PMPCB: variants seen among roughly 807,000 people sequenced by gnomAD.
PMPCB encodes the protein peptidase, mitochondrial processing subunit beta.
Under a neutral mutation model 61.5 loss-of-function variants are expected in PMPCB, and 46 were observed. That is an observed-to-expected ratio of 0.75 (90% CI 0.59 to 0.96). The LOEUF (loss-of-function observed/expected upper bound fraction) is 0.96, where lower values mean the gene tolerates loss of function less well. PMPCB is among the 40% of genes least tolerant of loss of function. The pLI is 0.00. For synonymous variants in PMPCB, 191 were observed against 201.6 expected, an observed-to-expected ratio of 0.95 and a Z score of 0.44; for missense variants, 590 against 602.4, an observed-to-expected ratio of 0.98 and a Z score of 0.22.
At position 103,313,494 on chromosome 7, in the gene PMPCB, T is replaced by G. The variant is rs961723193; in HGVS notation, c.*1223T>G. ...CTGATAAATCTACTTCCTTACAGAATAGGTAAAAGAGCTTCCTCACAGTTA... is the reference window on the plus strand; with the variant it reads ...CTGATAAATCTACTTCCTTACAGAAGAGGTAAAAGAGCTTCCTCACAGTTA... On this transcript the variant is annotated 3_prime_UTR_variant, in exon 13 of 13. Transcript: ENST00000249269. 1.4e-5 allele frequency: 14 copies of G among 984,996 alleles called. No individual in the cohort carries two copies. Among genetic ancestry groups the G allele is most frequent in the African/African-American group, 1.7e-5 (1 of 57,202 alleles). The allele number at this position is 984,996 out of a possible 1,614,324, so 61.0% of individuals were successfully genotyped here.
downstream of PMPCB, among the ~76,000 whole-genome samples, chr7:103,331,284 G>A (rs1417910602): frequency 6.6e-6 from 1 of 152,196 alleles, no homozygotes; most frequent in African/African-American, 2.4e-5. Context: ...CATGATACAT[G>A]CATAAACCAC....
chr7:103,322,128 C>A, intron 12 of PMPCB: 1 of 1,363,120 alleles, frequency 7.3e-7, no homozygotes. Context: ...CAGTAAAATT[C>A]CTAAATGTTT....
intron 6 of PMPCB, among the ~76,000 whole-genome samples, chr7:103,304,820 G>A (rs965177712): frequency 6.6e-6 from 1 of 152,026 alleles, no homozygotes; most frequent in Non-Finnish European, 1.5e-5. Context: ...GTAGCTGGGC[G>A]TGGTGACATG....
At chr7:103,327,563 G>C (rs1586094049) in intron 12 of PMPCB, 1 of 816,928 alleles carries the variant, frequency 1.2e-6, no homozygotes, top group East Asian at 2.6e-5. Flanking sequence ...AAGGATAGTT[G>C]AATGAACTAC....
downstream of PMPCB, chr7:103,319,604 A>T: frequency 6.2e-7 from 1 of 1,613,830 alleles, no homozygotes; most frequent in Admixed American, 1.7e-5. Flanking sequence ...GTGTTCCTCT[A>T]TTACCTGTTT....
chr7:103,345,314 T>C, the PMPCB span, among the ~76,000 whole-genome samples: 10 of 152,208 alleles, frequency 6.6e-5, no homozygotes, highest in Admixed American at 5.9e-4. Flanking sequence ...CTTGTTCTAA[T>C]GAAGTTTTTA....
At chr7:103,328,588 G>A (rs764007997) in intron 12 of PMPCB, among the ~76,000 whole-genome samples, 4 of 152,068 alleles carry the variant, frequency 2.6e-5, no homozygotes, top group East Asian at 1.9e-4. Flanking sequence ...CTGAGATGGC[G>A]CCACTGCATT....
At position 103,313,941 on chromosome 7, in the gene PMPCB, C is replaced by G; in HGVS notation, c.*1670C>G. The stretch of plus-strand genomic sequence containing the variant: ...AACACAGACTAATACTACCAGTAGC[C>G]TGACTACTACTAGAAACTGCGGCCT... On this transcript the variant is annotated 3_prime_UTR_variant, in exon 13 of 13. Transcript: ENST00000249269. 1 of 985,326 alleles carries G rather than the reference C, an allele frequency of 1.0e-6. No homozygotes were observed. Among genetic ancestry groups the G allele is most frequent in the African/African-American group, 1.7e-5 (1 of 57,336 alleles). The allele number at this position is 985,326 out of a possible 1,614,324, so 61.0% of individuals were successfully genotyped here. A position where few individuals can be genotyped will look rare whatever the true frequency, so the allele number is the denominator to read the frequency against.
chr7:103,304,103 C>A (rs1563446456), intron 5 of PMPCB, 63 bp downstream of exon 5: 4 of 1,252,490 alleles, frequency 3.2e-6, no homozygotes, highest in Non-Finnish European at 4.6e-6. Context: ...TAAACATTTA[C>A]AAATTTTCAA....
chr7:103,341,408 C>T, the PMPCB span, among the ~76,000 whole-genome samples: 30 of 152,172 alleles, frequency 2.0e-4, no homozygotes, highest in Non-Finnish European at 2.8e-4. Context: ...GTACCCTATA[C>T]GACTTATCAA....
chr7:103,343,832 T>TAA, the PMPCB span, among the ~76,000 whole-genome samples: 1,832 of 152,298 alleles, frequency 0.012, 37 homozygotes, highest in African/African-American at 0.042. Context: ...GCTCTAGTTG[T>TAA]AAGAGGCACA....
Position 103,299,314 on chromosome 7 carries a change from A to G in PMPCB, c.241-129A>G, listed in dbSNP as rs188091068. 588 of 609,506 alleles carry G rather than the reference A, an allele frequency of 9.6e-4. 3 individuals are homozygous for G. Among genetic ancestry groups the G allele is most frequent in the Admixed American group, 3.0e-3 (95 of 31,606 alleles). 37.8% of individuals were successfully genotyped at this position (609,506 alleles called of 1,614,324 possible). A position where few individuals can be genotyped will look rare whatever the true frequency, so the allele number is the denominator to read the frequency against. ...CATAGTTCACAGGAATGAACTATCA[A>G]TTCACTCAGGTCAAGAAAATCTTAG... On this transcript the variant is annotated intron_variant, in intron 2 of 12. Transcript: ENST00000249269.
the PMPCB span, among the ~76,000 whole-genome samples, chr7:103,342,417 T>G: frequency 6.6e-6 from 1 of 152,056 alleles, no homozygotes; most frequent in Non-Finnish European, 1.5e-5. Context: ...GTGATTCTTG[T>G]GCCTCAGCCT....
chr7:103,340,730 T>C, the PMPCB span, among the ~76,000 whole-genome samples: 1 of 152,372 alleles, frequency 6.6e-6, no homozygotes, highest in Admixed American at 6.5e-5. Context: ...TATTTGTTTA[T>C]ACTTTTGTCC....
chr7:103,324,029 C>G (rs1322645946), intron 12 of PMPCB, among the ~76,000 whole-genome samples: 1 of 152,160 alleles, frequency 6.6e-6, no homozygotes. Context: ...GCAATTACAA[C>G]TGATAGAACT....
chr7:103,304,329 G>T, intron 5 of PMPCB, 82 bp from the exon 6 acceptor site: 1 of 825,164 alleles, frequency 1.2e-6, no homozygotes, highest in Non-Finnish European at 2.1e-6. Context: ...TACAGTTATG[G>T]TCCAATTTGA....
the PMPCB span, among the ~76,000 whole-genome samples, chr7:103,341,378 T>G: frequency 3.3e-5 from 5 of 152,214 alleles, no homozygotes; most frequent in Non-Finnish European, 5.9e-5. Context: ...GACACTAGAT[T>G]TCTCATCACC....
At chr7:103,314,746 G>C (rs549301200), downstream of PMPCB, 103 of 672,690 alleles carry the variant, frequency 1.5e-4, no homozygotes, top group Non-Finnish European at 1.6e-4. Flanking sequence ...AACACTGTAA[G>C]TCTCATATCT....
At chr7:103,345,777 C>T in the PMPCB span, among the ~76,000 whole-genome samples, 1 of 151,594 alleles carries the variant, frequency 6.6e-6, no homozygotes, top group African/African-American at 2.4e-5. Context: ...TTTAATTGGT[C>T]TGTATATCTG....
Sources: allele counts gnomAD v4.1 joint callset (sites outside exome capture counted in the v4.1 genomes callset), GRCh38; gene constraint gnomAD v4.1.1; transcripts MANE v1.5; gene names NCBI Gene and HGNC (gene_info 2026-07-23, HGNC 2026-07-21).